TMEM229B: variants seen among roughly 807,000 people sequenced by gnomAD.
TMEM229B encodes the protein transmembrane protein 229B.
A neutral mutation model predicts 13.7 loss-of-function variants in TMEM229B; 6 were observed. That is an observed-to-expected ratio of 0.44 (90% CI 0.24 to 0.86). The LOEUF (loss-of-function observed/expected upper bound fraction) is 0.86. TMEM229B is among the 40% of genes least tolerant of loss of function. The pLI, the probability that TMEM229B is intolerant of heterozygous loss-of-function variation, is 0.23. For synonymous variants in TMEM229B, 107 were observed against 102.1 expected (o/e 1.05, Z -0.29); for missense variants, 170 against 236.0 (o/e 0.72, Z 1.83).
At chr14:67,493,559 C>T (rs2032251280), upstream of TMEM229B, among the ~76,000 whole-genome samples, 1 of 152,188 alleles carries the variant, frequency 6.6e-6, no homozygotes, top group African/African-American at 2.4e-5. Flanking sequence ...TGCCTGAGTG[C>T]TGGTTTCACT....
In TMEM229B at chr14:67,473,186, G is replaced by A. The variant is rs2030881627; in HGVS notation, c.*234C>T. On this transcript the variant is annotated 3_prime_UTR_variant, in exon 3 of 3. Coordinates refer to ENST00000554480, the MANE Select transcript of TMEM229B (RefSeq NM_001348543.2). The surrounding 1 kb of genome is among the most constrained non-coding windows in gnomAD (Gnocchi z 6.5). ...GGTACCAACCCCTGAACTGGGCCGC[G>A]ATCCATGGACCCTTCCCAATGTCCC... 3.5e-6 allele frequency: 2 copies of A among 568,376 alleles called. No individual in the cohort carries two copies. Among genetic ancestry groups the A allele is most frequent in the Non-Finnish European group, 6.2e-6 (2 of 324,150 alleles). 35.2% of individuals were successfully genotyped at this position (568,376 alleles called of 1,614,324 possible). A position where few individuals can be genotyped will look rare whatever the true frequency, so the allele number is the denominator to read the frequency against.
upstream of TMEM229B, among the ~76,000 whole-genome samples, chr14:67,519,524 TC>T (rs2033257829): frequency 6.6e-6 from 1 of 152,074 alleles, no homozygotes; most frequent in African/African-American, 2.4e-5. Flanking sequence ...CAGGGAAGGG[TC>T]CATCCGGATA....
chr14:67,520,220 G>T (rs1566706903), upstream of TMEM229B, among the ~76,000 whole-genome samples: 1 of 124,174 alleles, frequency 8.1e-6, no homozygotes, highest in Non-Finnish European at 1.9e-5. Context: ...TTACATTAGG[G>T]TTCACTCTTG....
In TMEM229B at chr14:67,484,971, C is replaced by T. The variant is rs116060025; in HGVS notation, c.-19+2029G>A. ...AATGGCTGTGTAATATTCCAGCAAG[C>T]GGAAAACTGTAATTTACTTAACCTA... On this transcript the variant is annotated intron_variant, in intron 2 of 2. Transcript: ENST00000554480. Among the ~76,000 whole-genome samples, 324 of 152,240 alleles carry T rather than the reference C, an allele frequency of 2.1e-3. 1 individual carries two copies. Among genetic ancestry groups the T allele is most frequent in the African/African-American group, 7.5e-3 (313 of 41,540 alleles).
chr14:67,517,150 G>T (rs1489298429), upstream of TMEM229B, among the ~76,000 whole-genome samples: 1 of 152,192 alleles, frequency 6.6e-6, no homozygotes, highest in African/African-American at 2.4e-5. Context: ...TCAGGGACAC[G>T]CTGGCAAGAA....
intron 1 of TMEM229B, among the ~76,000 whole-genome samples, chr14:67,528,024 C>T (rs891608627): frequency 2.0e-5 from 3 of 152,138 alleles, no homozygotes; most frequent in African/African-American, 4.8e-5. Context: ...TGTGGACACT[C>T]GGCAAGCACA....
At chr14:67,484,438 T>C (rs2031758286) in intron 2 of TMEM229B, among the ~76,000 whole-genome samples, 2 of 152,240 alleles carry the variant, frequency 1.3e-5, no homozygotes, top group African/African-American at 4.8e-5. Context: ...CATTTAATTC[T>C]AGCATTTAAT....
At chr14:67,477,386 A>G (rs748459579) in intron 2 of TMEM229B, among the ~76,000 whole-genome samples, 1 of 152,132 alleles carries the variant, frequency 6.6e-6, no homozygotes, top group Non-Finnish European at 1.5e-5. Context: ...AGTATAAACC[A>G]GCTTGCAGGT....
upstream of TMEM229B, among the ~76,000 whole-genome samples, chr14:67,489,793 A>T (rs1006065238): frequency 6.6e-6 from 1 of 152,202 alleles, no homozygotes. Flanking sequence ...GATCGAGACC[A>T]TCCTGGCTAA....
chr14:67,494,573 C>A (rs765492579), intron 1 of TMEM229B, among the ~76,000 whole-genome samples: 4 of 152,186 alleles, frequency 2.6e-5, no homozygotes, highest in Non-Finnish European at 4.4e-5. Context: ...GCCCCGCCCC[C>A]ACACACCATG....
upstream of TMEM229B, among the ~76,000 whole-genome samples, chr14:67,518,825 G>A (rs1304468595): frequency 1.3e-5 from 2 of 152,214 alleles, no homozygotes; most frequent in Non-Finnish European, 2.9e-5. Context: ...GCTCAAGAGG[G>A]TGATTCCAGT....
chr14:67,506,231 G>A (rs1306093382), intron 1 of TMEM229B, among the ~76,000 whole-genome samples: 1 of 152,096 alleles, frequency 6.6e-6, no homozygotes, highest in Non-Finnish European at 1.5e-5. Flanking sequence ...TAAAGCGGGT[G>A]TATTTTGTAC....
intron 1 of TMEM229B, among the ~76,000 whole-genome samples, chr14:67,508,767 A>AAAAAAAAAAAAAAAAAAAAC (rs1260678496): frequency 6.6e-6 from 1 of 150,992 alleles, no homozygotes; most frequent in Non-Finnish European, 1.5e-5. Flanking sequence ...AAAAAAAAAA[A>AAAAAAAAAAAAAAAAAAAAC]AAAACAGAAG....
At chr14:67,494,852 C>T (rs888801045) in intron 1 of TMEM229B, among the ~76,000 whole-genome samples, 1 of 152,180 alleles carries the variant, frequency 6.6e-6, no homozygotes, top group African/African-American at 2.4e-5. Flanking sequence ...TGATTCAGGC[C>T]TGTAATCCCA....
upstream of TMEM229B, among the ~76,000 whole-genome samples, chr14:67,488,905 T>C (rs1378873705): frequency 6.6e-6 from 1 of 152,194 alleles, no homozygotes; most frequent in Non-Finnish European, 1.5e-5. Flanking sequence ...CTGCAGGCTT[T>C]TTCCCCAGGA....
At chr14:67,519,977 C>T (rs922358565), upstream of TMEM229B, among the ~76,000 whole-genome samples, 4 of 152,148 alleles carry the variant, frequency 2.6e-5, no homozygotes, top group African/African-American at 9.7e-5. Flanking sequence ...CCCACCTCGG[C>T]CCCCCAAAGT....
At position 67,470,654 on chromosome 14, in the gene TMEM229B, G is replaced by C. The variant is rs2140019821; in HGVS notation, c.*2766C>G. On this transcript the variant is annotated 3_prime_UTR_variant, in exon 3 of 3. Transcript: ENST00000554480. ...CAGAGTGAGGGACCAGGACAAAAGG[G>C]CTTCATGGGGACTCCCTAGGTATTA... The C allele has an allele frequency of 6.5e-6, 1 of 152,890 alleles. No individual in the cohort carries two copies. Among genetic ancestry groups the C allele is most frequent in the African/African-American group, 2.4e-5 (1 of 41,560 alleles). The allele number at this position is 152,890 out of a possible 1,614,324, so 9.5% of individuals were successfully genotyped here. A position where few individuals can be genotyped will look rare whatever the true frequency, so the allele number is the denominator to read the frequency against.
chr14:67,490,337 G>A (rs7149881), upstream of TMEM229B, among the ~76,000 whole-genome samples: 23,832 of 152,010 alleles, frequency 0.16, 1,878 homozygotes, highest in African/African-American at 0.18. Flanking sequence ...CAGAGTGGGC[G>A]GCCTGGGTTT....
At chr14:67,492,955 G>C (rs949366469), upstream of TMEM229B, among the ~76,000 whole-genome samples, 2 of 152,176 alleles carry the variant, frequency 1.3e-5, no homozygotes, top group Non-Finnish European at 2.9e-5. Flanking sequence ...CATGAAGATG[G>C]GGAAGGCCAG....
Sources: allele counts gnomAD v4.1 joint callset (sites outside exome capture counted in the v4.1 genomes callset), GRCh38; gene constraint gnomAD v4.1.1; non-coding constraint Gnocchi (gnomAD v3.1); transcripts MANE v1.5; gene names NCBI Gene and HGNC (gene_info 2026-07-23, HGNC 2026-07-21).